The following NAALADL2 variants were observed in gnomAD, a reference collection of about 807,000 sequenced individuals.
The protein encoded by NAALADL2 is N-acetylated alpha-linked acidic dipeptidase like 2, also known as inactive N-acetylated-alpha-linked acidic dipeptidase-like protein 2.
A neutral mutation model predicts 87.2 loss-of-function variants in NAALADL2; 76 were observed. The ratio of observed to expected loss-of-function variants is 0.87; its 90% CI spans 0.72 to 1.05. The LOEUF (loss-of-function observed/expected upper bound fraction) is 1.05. Ranked by LOEUF, NAALADL2 falls within the 50% of genes least tolerant of loss-of-function variation. The pLI is 0.00. For missense variants in NAALADL2, 1,089 were observed against 945.8 expected (o/e 1.15, Z -1.99); for synonymous variants, 354 against 331.0 (o/e 1.07, Z -0.75).
chr3:175,543,693 C>G (rs1427432753), intron 9 of NAALADL2, among the ~76,000 whole-genome samples: 1 of 152,128 alleles, frequency 6.6e-6, no homozygotes, highest in Non-Finnish European at 1.5e-5. Flanking sequence ...CCCCGTAATT[C>G]AATTACCTCC....
intron 9 of NAALADL2, among the ~76,000 whole-genome samples, chr3:175,542,607 A>T (rs1712562487): frequency 6.6e-6 from 1 of 151,944 alleles, no homozygotes; most frequent in Non-Finnish European, 1.5e-5. Flanking sequence ...TGATCCACCC[A>T]CCTCGGCCTC....
intron 3 of NAALADL2, among the ~76,000 whole-genome samples, chr3:175,239,897 G>A (rs549929841): frequency 2.8e-4 from 43 of 152,232 alleles, no homozygotes; most frequent in African/African-American, 9.9e-4. Context: ...TAAAGCACCT[G>A]ACAGTTAGTA....
chr3:174,985,585 T>C (rs773088137), intron 1 of NAALADL2, among the ~76,000 whole-genome samples: 19 of 152,146 alleles, frequency 1.2e-4, no homozygotes, highest in Non-Finnish European at 2.9e-5. Context: ...AGTGCTGCCA[T>C]AATAAAAGCA....
intron 5 of NAALADL2, among the ~76,000 whole-genome samples, chr3:175,414,356 A>G (rs952380925): frequency 2.0e-5 from 3 of 152,094 alleles, no homozygotes; most frequent in Non-Finnish European, 4.4e-5. Flanking sequence ...CCGGTACCTT[A>G]TGTGTGTTTA....
intron 3 of NAALADL2, among the ~76,000 whole-genome samples, chr3:175,255,555 C>T (rs1256537393): frequency 6.6e-6 from 1 of 151,966 alleles, no homozygotes; most frequent in African/African-American, 2.4e-5. Flanking sequence ...AGCATAACAA[C>T]TATTGTTTTA....
intron 11 of NAALADL2, among the ~76,000 whole-genome samples, chr3:175,729,416 G>A (rs1374478489): frequency 3.3e-5 from 5 of 152,164 alleles, no homozygotes. Flanking sequence ...TTGAGTCCTT[G>A]TGGATGAACT....
At chr3:175,228,453 C>A (rs1428968591) in intron 2 of NAALADL2, among the ~76,000 whole-genome samples, 1 of 151,084 alleles carries the variant, frequency 6.6e-6, no homozygotes, top group Admixed American at 6.6e-5. Context: ...TACATTATAA[C>A]ATAACTACTT....
chr3:175,329,727 C>T (rs1761175292), intron 5 of NAALADL2, among the ~76,000 whole-genome samples: 1 of 152,142 alleles, frequency 6.6e-6, no homozygotes, highest in Admixed American at 6.6e-5. Context: ...TCATATTATT[C>T]AACTTGATTC....
intron 5 of NAALADL2, among the ~76,000 whole-genome samples, chr3:175,411,328 G>C (rs1037587215): frequency 6.6e-6 from 1 of 152,172 alleles, no homozygotes; most frequent in Non-Finnish European, 1.5e-5. Flanking sequence ...TTGACACACA[G>C]TGTGATACCT....
At chr3:175,347,271 A>G (rs992658434) in intron 5 of NAALADL2, among the ~76,000 whole-genome samples, 9 of 152,152 alleles carry the variant, frequency 5.9e-5, no homozygotes, top group Admixed American at 1.3e-4. Flanking sequence ...TCTCTTTCCA[A>G]TTGGCTAGCC....
chr3:175,461,035 T>A (rs1723045622), intron 6 of NAALADL2, among the ~76,000 whole-genome samples: 1 of 152,158 alleles, frequency 6.6e-6, no homozygotes, highest in South Asian at 2.1e-4. Flanking sequence ...TGCTGACTGG[T>A]CCATTTTGCA....
intron 1 of NAALADL2, among the ~76,000 whole-genome samples, chr3:175,061,052 A>G (rs191815689): frequency 5.9e-5 from 9 of 152,306 alleles, no homozygotes; most frequent in African/African-American, 2.2e-4. Flanking sequence ...GTCTCAAAAA[A>G]ACAAAAAAAA....
At chr3:175,187,535 C>T (rs890562166) in intron 2 of NAALADL2, among the ~76,000 whole-genome samples, 1 of 152,140 alleles carries the variant, frequency 6.6e-6, no homozygotes, top group Non-Finnish European at 1.5e-5. Flanking sequence ...GGCCAACACA[C>T]TGTAGATTGT....
intron 11 of NAALADL2, among the ~76,000 whole-genome samples, chr3:175,680,105 A>G (rs1307279127): frequency 6.6e-6 from 1 of 152,216 alleles, no homozygotes; most frequent in Admixed American, 6.5e-5. Context: ...GTTGACAGCG[A>G]TTCCTTAAAA....
At chr3:175,135,630 G>A (rs931832517) in intron 2 of NAALADL2, among the ~76,000 whole-genome samples, 6 of 152,002 alleles carry the variant, frequency 3.9e-5, no homozygotes, top group Non-Finnish European at 7.4e-5. Context: ...ATTGTAACAA[G>A]AGGCCCATAG....
intron 9 of NAALADL2, among the ~76,000 whole-genome samples, chr3:175,517,118 G>A (rs1273985238): frequency 6.6e-6 from 1 of 152,124 alleles, no homozygotes; most frequent in Non-Finnish European, 1.5e-5. Context: ...CACATGGGTT[G>A]ATGACATTGT....
chr3:174,498,933 C>T (rs984662074), intron 1 of NAALADL2, among the ~76,000 whole-genome samples: 1 of 151,846 alleles, frequency 6.6e-6, no homozygotes, highest in Non-Finnish European at 1.5e-5. Flanking sequence ...TAGTAACCTG[C>T]AGTAAACAAA....
chr3:175,174,432 C>T (rs918389232), intron 2 of NAALADL2, among the ~76,000 whole-genome samples: 2 of 151,934 alleles, frequency 1.3e-5, no homozygotes, highest in Non-Finnish European at 2.9e-5. Flanking sequence ...AATATTTGTG[C>T]AATTATCTGA....
At chr3:175,562,954 G>GTC (rs1491176406) in intron 9 of NAALADL2, among the ~76,000 whole-genome samples, 3 of 13,236 alleles carry the variant, frequency 2.3e-4, no homozygotes, top group East Asian at 8.5e-3. Context: ...TATAGGAGGG[G>GTC]TGTGTGTGTG....
Sources: gnomAD v4.1 joint callset for allele counts (sites outside exome capture counted in the v4.1 genomes callset) on GRCh38, gnomAD v4.1.1 for gene constraint, MANE v1.5 for transcripts, NCBI Gene and HGNC (gene_info 2026-07-23, HGNC 2026-07-21) for gene names.